The following MBD5 variants were observed in gnomAD, a reference collection of about 807,000 sequenced individuals.
MBD5 encodes the protein methyl-CpG binding domain protein 5.
Under a neutral mutation model 117.3 loss-of-function variants are expected in MBD5, and 13 were observed. That is an observed-to-expected ratio of 0.11 (90% CI 0.07 to 0.18). The LOEUF (loss-of-function observed/expected upper bound fraction) is 0.18. Ranked by LOEUF, MBD5 falls within the 10% of genes least tolerant of loss-of-function variation. The pLI is 1.00. For missense variants in MBD5, 1,879 were observed against 2,093.8 expected (o/e 0.90, Z 2.00); for synonymous variants, 727 against 766.4 (o/e 0.95, Z 0.85).
intron 1 of MBD5, among the ~76,000 whole-genome samples, chr2:148,173,145 C>T (rs1204134935): frequency 6.6e-6 from 1 of 152,210 alleles, no homozygotes; most frequent in African/African-American, 2.4e-5. Context: ...CACCACAATG[C>T]GGGCGACTAG....
chr2:148,327,536 C>A (rs940627154), intron 3 of MBD5, among the ~76,000 whole-genome samples: 1 of 151,980 alleles, frequency 6.6e-6, no homozygotes, highest in South Asian at 2.1e-4. Flanking sequence ...AGGCTTTGCT[C>A]GTTTCTTTTT....
chr2:148,052,015 G>C (rs1694721135), intron 1 of MBD5, among the ~76,000 whole-genome samples: 1 of 151,604 alleles, frequency 6.6e-6, no homozygotes, highest in African/African-American at 2.4e-5. Flanking sequence ...TGACATTCTT[G>C]TTATCATTCC....
At chr2:148,080,887 A>G (rs1695632047) in intron 1 of MBD5, among the ~76,000 whole-genome samples, 1 of 152,166 alleles carries the variant, frequency 6.6e-6, no homozygotes, top group Non-Finnish European at 1.5e-5. Context: ...TTTTTCTTCT[A>G]GATTCTGATT....
chr2:148,387,530 GC>G (rs1164727202), intron 4 of MBD5, among the ~76,000 whole-genome samples: 2 of 151,988 alleles, frequency 1.3e-5, no homozygotes, highest in Non-Finnish European at 2.9e-5. Flanking sequence ...AGTTCCCACA[GC>G]AAGAACAGAA....
chr2:148,340,029 G>A (rs566070116), intron 3 of MBD5, among the ~76,000 whole-genome samples: 3 of 151,818 alleles, frequency 2.0e-5, no homozygotes, highest in Non-Finnish European at 4.4e-5. Flanking sequence ...ACTGATTTGG[G>A]TCCCTCTCTC....
intron 2 of MBD5, chr2:148,219,800 C>T (rs965954092): frequency 1.1e-4 from 16 of 152,144 alleles, no homozygotes; most frequent in Non-Finnish European, 1.8e-4. Flanking sequence ...GCTATAGTAA[C>T]ATTTAAACAA....
At chr2:148,150,454 G>T (rs1266066737) in intron 1 of MBD5, among the ~76,000 whole-genome samples, 1 of 152,168 alleles carries the variant, frequency 6.6e-6, no homozygotes, top group Non-Finnish European at 1.5e-5. Context: ...GAACTTTAAA[G>T]TATTTTTTTC....
intron 1 of MBD5, chr2:148,055,359 C>G (rs1328364634): frequency 1.3e-5 from 2 of 150,766 alleles, no homozygotes; most frequent in African/African-American, 4.9e-5. Flanking sequence ...GGATAAGGAT[C>G]TAATTATTTT....
chr2:148,492,932 A>C (rs1681575012), intron 11 of MBD5, among the ~76,000 whole-genome samples: 1 of 151,934 alleles, frequency 6.6e-6, no homozygotes. Flanking sequence ...CAGGTGAACC[A>C]ATTTTGATGT....
At chr2:148,497,245 T>A (rs959743383) in intron 11 of MBD5, among the ~76,000 whole-genome samples, 30 of 152,072 alleles carry the variant, frequency 2.0e-4, no homozygotes, top group African/African-American at 7.2e-4. Flanking sequence ...CAATAAATAT[T>A]TATTAGGCAC....
chr2:148,457,959 A>T (rs1706937759), intron 4 of MBD5, among the ~76,000 whole-genome samples: 1 of 152,122 alleles, frequency 6.6e-6, no homozygotes, highest in African/African-American at 2.4e-5. Flanking sequence ...ATGTAATGCC[A>T]TAATTACGGG....
intron 1 of MBD5, among the ~76,000 whole-genome samples, chr2:148,088,093 A>T (rs1261875594): frequency 6.6e-6 from 1 of 152,130 alleles, no homozygotes; most frequent in Non-Finnish European, 1.5e-5. Flanking sequence ...TCAACAATAG[A>T]ATCAAACAGA....
intron 2 of MBD5, among the ~76,000 whole-genome samples, chr2:148,186,909 A>C (rs891249327): frequency 1.3e-4 from 20 of 152,250 alleles, no homozygotes; most frequent in Non-Finnish European, 2.6e-4. Flanking sequence ...CAAGGATATA[A>C]AGTAAAACAT....
At chr2:148,441,978 T>G (rs1432956338) in intron 4 of MBD5, among the ~76,000 whole-genome samples, 1 of 152,178 alleles carries the variant, frequency 6.6e-6, no homozygotes, top group Non-Finnish European at 1.5e-5. Context: ...GTAAATTTGT[T>G]TGAGTTCATT....
chr2:148,059,339 C>A (rs1037720484), intron 1 of MBD5, among the ~76,000 whole-genome samples: 8 of 151,872 alleles, frequency 5.3e-5, no homozygotes, highest in Non-Finnish European at 1.0e-4. Context: ...AATAAATATA[C>A]ACACTTGGTA....
chr2:148,169,824 C>G (rs1698216584), intron 1 of MBD5, among the ~76,000 whole-genome samples: 1 of 151,876 alleles, frequency 6.6e-6, no homozygotes, highest in African/African-American at 2.4e-5. Context: ...AAGCTTAATT[C>G]GGTGGACAGG....
chr2:148,316,210 TG>T (rs750538462), intron 3 of MBD5, among the ~76,000 whole-genome samples: 88 of 152,292 alleles, frequency 5.8e-4, no homozygotes, highest in Non-Finnish European at 9.1e-4. Flanking sequence ...CAATTTGACA[TG>T]AGATTTGGAT....
In MBD5 at chr2:148,458,783, G is replaced by A. The variant is rs143952512; in HGVS notation, c.25G>A (p.Gly9Arg). Residue 9 changes from glycine (G) to arginine (R), a missense_variant, in exon 5 of 14, where the codon GGA (glycine) becomes AGA (arginine). Gly to Arg is a moderately radical substitution (Grantham distance 125, BLOSUM62 -2). Transcript: ENST00000642680. The stretch of plus-strand genomic sequence containing the variant: ...AATGAATGGAGGCAAAGAGTGTGAC[G>A]GAGGGGACAAGGAAGGAGGTCTTCC... MNGGKECD[G>R]GDKEGGLPAI... is the part of the protein sequence containing the mutation. The A allele has an allele frequency of 1.5e-5, 25 of 1,613,432 alleles. No individual in the cohort carries two copies. Among genetic ancestry groups the A allele is most frequent in the Middle Eastern group, 1.6e-4 (1 of 6,082 alleles).
intron 1 of MBD5, among the ~76,000 whole-genome samples, chr2:148,038,024 A>G (rs1051353522): frequency 1.3e-5 from 2 of 151,956 alleles, no homozygotes; most frequent in Admixed American, 6.6e-5. Flanking sequence ...CATTCTCTCA[A>G]TGTTTTGGAT....
Sources: allele counts gnomAD v4.1 joint callset (sites outside exome capture counted in the v4.1 genomes callset), GRCh38; gene constraint gnomAD v4.1.1; transcripts MANE v1.5; gene names NCBI Gene and HGNC (gene_info 2026-07-23, HGNC 2026-07-21).